KCNJ6: variants seen among roughly 807,000 people sequenced by gnomAD.
The protein encoded by KCNJ6 is potassium inwardly rectifying channel subfamily J member 6.
In KCNJ6, 9 loss-of-function variants were observed where a neutral mutation model predicts 34.2. That is an observed-to-expected ratio of 0.26 (90% CI 0.16 to 0.46). The LOEUF (loss-of-function observed/expected upper bound fraction) is 0.46. Ranked by LOEUF, KCNJ6 falls within the 20% of genes least tolerant of loss-of-function variation. The probability of loss-of-function intolerance (pLI) is 1.00; values close to 1 mark genes in which losing one functional copy is unlikely to be tolerated. For synonymous variants in KCNJ6, 196 were observed against 207.1 expected, an observed-to-expected ratio of 0.95 and a Z score of 0.46; for missense variants, 236 against 531.3, an observed-to-expected ratio of 0.44 and a Z score of 5.46.
chr21:37,628,500 A>C (rs2054320472), intron 3 of KCNJ6, among the ~76,000 whole-genome samples: 1 of 152,182 alleles, frequency 6.6e-6, no homozygotes. Context: ...TATAGAAAGA[A>C]AAAAGAATGG....
intron 3 of KCNJ6, among the ~76,000 whole-genome samples, chr21:37,637,187 AAAG>A (rs2054361768): frequency 6.6e-6 from 1 of 152,246 alleles, no homozygotes; most frequent in Admixed American, 6.5e-5. Context: ...CCAGTGTCAA[AAAG>A]AAGCAGGATA....
At chr21:37,816,484 T>A (rs2835984) in intron 2 of KCNJ6, among the ~76,000 whole-genome samples, 80,743 of 152,128 alleles carry the variant, frequency 0.53, 23,019 homozygotes, top group African/African-American at 0.74. Context: ...AACTGACTTT[T>A]ACTTTTTGTC....
At chr21:37,904,001 C>T (rs995255520) in intron 1 of KCNJ6, among the ~76,000 whole-genome samples, 3 of 152,110 alleles carry the variant, frequency 2.0e-5, no homozygotes, top group Non-Finnish European at 2.9e-5. Context: ...TTTAAGAAAA[C>T]CTTATTAATG....
intron 3 of KCNJ6, among the ~76,000 whole-genome samples, chr21:37,679,423 G>A (rs1474735559): frequency 6.6e-6 from 1 of 152,174 alleles, no homozygotes; most frequent in East Asian, 1.9e-4. Flanking sequence ...AATTAGGGTG[G>A]TAATAACAGA....
At chr21:37,650,753 G>A (rs2054429351) in intron 3 of KCNJ6, among the ~76,000 whole-genome samples, 3 of 152,202 alleles carry the variant, frequency 2.0e-5, no homozygotes, top group Admixed American at 1.3e-4. Flanking sequence ...TTTGGCATAA[G>A]TCTTCCTTCC....
At chr21:37,856,903 T>C (rs567725019) in intron 1 of KCNJ6, among the ~76,000 whole-genome samples, 44 of 152,304 alleles carry the variant, frequency 2.9e-4, no homozygotes, top group African/African-American at 1.0e-3. Context: ...CAGTGTGTGA[T>C]GCTCTTGCAT....
chr21:37,886,954 T>C (rs1225838046), intron 1 of KCNJ6, among the ~76,000 whole-genome samples: 1 of 151,500 alleles, frequency 6.6e-6, no homozygotes, highest in East Asian at 1.9e-4. Context: ...TTTTTTCTTT[T>C]CTAAATTTCA....
At chr21:37,700,087 A>G (rs2054682827) in intron 3 of KCNJ6, among the ~76,000 whole-genome samples, 1 of 151,820 alleles carries the variant, frequency 6.6e-6, no homozygotes, top group African/African-American at 2.4e-5. Context: ...AGATTGTGTT[A>G]CTTTCTGGGA....
intron 3 of KCNJ6, among the ~76,000 whole-genome samples, chr21:37,631,260 G>A (rs1193218218): frequency 6.6e-6 from 1 of 152,164 alleles, no homozygotes; most frequent in African/African-American, 2.4e-5. Flanking sequence ...GGCCATGTCT[G>A]AAATGTATTA....
chr21:37,660,408 C>A (rs2054482812), intron 3 of KCNJ6, among the ~76,000 whole-genome samples: 1 of 152,186 alleles, frequency 6.6e-6, no homozygotes, highest in Non-Finnish European at 1.5e-5. Context: ...CATGCTCTAC[C>A]CTGAATGGGA....
At chr21:37,838,219 T>A (rs2836012) in intron 2 of KCNJ6, among the ~76,000 whole-genome samples, 31,768 of 152,164 alleles carry the variant, frequency 0.21, 3,525 homozygotes, top group South Asian at 0.29. Flanking sequence ...AGAGATATTG[T>A]TCAGCCAAAC....
At chr21:37,648,679 T>C (rs71332596) in intron 3 of KCNJ6, among the ~76,000 whole-genome samples, 2 of 152,244 alleles carry the variant, frequency 1.3e-5, no homozygotes, top group African/African-American at 2.4e-5. Flanking sequence ...TGCTGCTTCT[T>C]GGAGTGTGGA....
chr21:37,674,516 T>TG (rs35499426), intron 3 of KCNJ6, among the ~76,000 whole-genome samples: 151,676 of 151,682 alleles, frequency 1, 75,835 homozygotes, highest in Middle Eastern at 1. Context: ...CCTCACCCAC[T>TG]GGCTCCGCCG....
chr21:37,686,418 T>C (rs971218105), intron 3 of KCNJ6, among the ~76,000 whole-genome samples: 1 of 151,642 alleles, frequency 6.6e-6, no homozygotes, highest in Non-Finnish European at 1.5e-5. Context: ...AGTTGGTGTT[T>C]ATAGTTTGCA....
chr21:37,809,750 G>A (rs781706634), intron 2 of KCNJ6, among the ~76,000 whole-genome samples: 16 of 152,290 alleles, frequency 1.1e-4, no homozygotes, highest in Middle Eastern at 3.4e-3. Flanking sequence ...GTAGTAGGTA[G>A]ACATGAGCAT....
At chr21:37,778,071 G>A (rs1008831226) in intron 2 of KCNJ6, among the ~76,000 whole-genome samples, 4 of 152,162 alleles carry the variant, frequency 2.6e-5, no homozygotes, top group African/African-American at 9.7e-5. Context: ...AGAAAAACAT[G>A]ACCTGAAGCG....
intron 1 of KCNJ6, among the ~76,000 whole-genome samples, chr21:37,842,376 T>G (rs1453019915): frequency 6.6e-6 from 1 of 152,192 alleles, no homozygotes; most frequent in Non-Finnish European, 1.5e-5. Context: ...GTAGTAAGGA[T>G]AGAAAGATCA....
At chr21:37,666,297 A>T (rs925846699) in intron 3 of KCNJ6, among the ~76,000 whole-genome samples, 4 of 152,078 alleles carry the variant, frequency 2.6e-5, no homozygotes, top group Non-Finnish European at 5.9e-5. Flanking sequence ...TTCCCCTGGG[A>T]TTCCTCAGGC....
intron 2 of KCNJ6, among the ~76,000 whole-genome samples, chr21:37,763,714 G>A (rs2123497674): frequency 6.6e-6 from 1 of 152,294 alleles, no homozygotes; most frequent in Admixed American, 6.5e-5. Flanking sequence ...TCCCCACCCT[G>A]TGTGCAAGTG....
Sources: gnomAD v4.1 joint callset for allele counts (sites outside exome capture counted in the v4.1 genomes callset) on GRCh38, gnomAD v4.1.1 for gene constraint, MANE v1.5 for transcripts, NCBI Gene and HGNC (gene_info 2026-07-23, HGNC 2026-07-21) for gene names.